The following PCDH15 variants were observed in gnomAD, a reference collection of about 807,000 sequenced individuals.
PCDH15 encodes the protein protocadherin related 15.
Under a neutral mutation model 178.5 loss-of-function variants are expected in PCDH15, and 129 were observed. The ratio of observed to expected loss-of-function variants is 0.72; its 90% CI spans 0.63 to 0.84. The LOEUF (loss-of-function observed/expected upper bound fraction) is 0.84, where lower values mean the gene tolerates loss of function less well. PCDH15 is among the 40% of genes least tolerant of loss of function. The pLI, the probability that PCDH15 is intolerant of heterozygous loss-of-function variation, is 0.00. For missense variants in PCDH15, 2,230 were observed against 2,099.9 expected, an observed-to-expected ratio of 1.06 and a Z score of -1.21; for synonymous variants, 800 against 732.0, an observed-to-expected ratio of 1.09 and a Z score of -1.50.
intron 1 of PCDH15, among the ~76,000 whole-genome samples, chr10:55,217,662 A>T (rs1840745302): frequency 6.6e-6 from 1 of 151,958 alleles, no homozygotes; most frequent in Non-Finnish European, 1.5e-5. Flanking sequence ...ACTAGCTAAT[A>T]TACAACAGAA....
At chr10:54,257,082 T>TAGAC (rs1469674434) in intron 8 of PCDH15, among the ~76,000 whole-genome samples, 2 of 151,966 alleles carry the variant, frequency 1.3e-5, no homozygotes, top group African/African-American at 4.8e-5. Flanking sequence ...GATAGATAGA[T>TAGAC]AGATAGATAC....
chr10:55,609,943 A>T (rs970463857), intron 2 of PCDH15, among the ~76,000 whole-genome samples: 1 of 152,156 alleles, frequency 6.6e-6, no homozygotes, highest in African/African-American at 2.4e-5. Context: ...AATAAGGAGC[A>T]AACTGTCATA....
rs193054711 is a variant in PCDH15, at chr10:55,626,720, T to C, written c.-156+905A>G. ...CTGTTATTAGCTAATGTGTAAGAGT[T>C]GGGAACAATTAAACATACTGTATAC... On this transcript the variant is annotated intron_variant, in intron 2 of 5. Transcript: ENST00000613346. Among the ~76,000 whole-genome samples, 418 of 152,310 alleles carry C rather than the reference T, an allele frequency of 2.7e-3. 1 individual carries two copies. The highest frequency in any genetic ancestry group is 9.2e-3 in the African/African-American group (382 of 41,566).
chr10:55,505,603 C>T (rs374282994), intron 2 of PCDH15, among the ~76,000 whole-genome samples: 44 of 151,234 alleles, frequency 2.9e-4, no homozygotes, highest in African/African-American at 9.9e-4. Context: ...CTAAGTTAGA[C>T]CTGAGGAGTC....
At chr10:53,976,249 A>C (rs1001997620) in intron 21 of PCDH15, among the ~76,000 whole-genome samples, 2 of 152,046 alleles carry the variant, frequency 1.3e-5, no homozygotes, top group African/African-American at 4.8e-5. Flanking sequence ...CATATGAGTT[A>C]TAGTACCATG....
chr10:54,571,174 T>G (rs1422830635), intron 2 of PCDH15, among the ~76,000 whole-genome samples: 1 of 151,774 alleles, frequency 6.6e-6, no homozygotes, highest in Non-Finnish European at 1.5e-5. Flanking sequence ...AGCCAGAAAT[T>G]TGAACGAGGA....
At chr10:54,120,385 T>C (rs1214923908) in intron 15 of PCDH15, among the ~76,000 whole-genome samples, 1 of 152,110 alleles carries the variant, frequency 6.6e-6, no homozygotes, top group Non-Finnish European at 1.5e-5. Context: ...GCTAACAACT[T>C]AATGATAGAA....
intron 16 of PCDH15, among the ~76,000 whole-genome samples, chr10:54,087,299 C>T (rs762566500): frequency 6.6e-6 from 1 of 152,030 alleles, no homozygotes; most frequent in Non-Finnish European, 1.5e-5. Flanking sequence ...ACAGTCACTC[C>T]CCATTCTCTC....
intron 8 of PCDH15, 27 bp downstream of exon 8, chr10:54,317,244 A>G (rs2061331230): frequency 6.2e-7 from 1 of 1,605,864 alleles, no homozygotes; most frequent in African/African-American, 1.3e-5. Flanking sequence ...CATGCAAATA[A>G]ATGGAGAAAG....
chr10:54,350,496 T>C (rs570398776), intron 5 of PCDH15, among the ~76,000 whole-genome samples: 2 of 152,288 alleles, frequency 1.3e-5, no homozygotes, highest in African/African-American at 4.8e-5. Flanking sequence ...TCATGATTTG[T>C]TCAAATGGTA....
At chr10:54,786,256 G>C (rs1401704187) in intron 1 of PCDH15, among the ~76,000 whole-genome samples, 2 of 152,000 alleles carry the variant, frequency 1.3e-5, no homozygotes, top group South Asian at 2.1e-4. Context: ...CATAGTTAAA[G>C]TCTCGAATGT....
intron 3 of PCDH15, among the ~76,000 whole-genome samples, chr10:54,808,510 C>A (rs529950757): frequency 6.6e-6 from 1 of 152,270 alleles, no homozygotes; most frequent in East Asian, 1.9e-4. Flanking sequence ...TCAAGTAAGG[C>A]AATAACCCAG....
At chr10:54,522,045 G>A (rs1005615535) in intron 3 of PCDH15, among the ~76,000 whole-genome samples, 2 of 133,722 alleles carry the variant, frequency 1.5e-5, no homozygotes, top group Admixed American at 8.4e-5. Flanking sequence ...CCAAGATCAC[G>A]CCGCTGCATT....
chr10:55,051,611 T>C (rs1397396960), intron 2 of PCDH15, among the ~76,000 whole-genome samples: 1 of 152,214 alleles, frequency 6.6e-6, no homozygotes, highest in East Asian at 1.9e-4. Flanking sequence ...GAGACTATTG[T>C]CTGACTTTCA....
chr10:54,722,462 T>A (rs903782910), intron 1 of PCDH15, among the ~76,000 whole-genome samples: 2 of 151,742 alleles, frequency 1.3e-5, no homozygotes, highest in South Asian at 4.1e-4. Flanking sequence ...AATAACTAAT[T>A]GCTTGTTTAG....
At chr10:54,370,957 C>T (rs540177677) in intron 4 of PCDH15, among the ~76,000 whole-genome samples, 5 of 151,812 alleles carry the variant, frequency 3.3e-5, no homozygotes, top group East Asian at 3.9e-4. Flanking sequence ...CATTGACATA[C>T]GAAAAGAGGT....
chr10:54,079,889 C>G (rs1405625926), intron 16 of PCDH15, among the ~76,000 whole-genome samples: 4 of 152,078 alleles, frequency 2.6e-5, no homozygotes, highest in Non-Finnish European at 4.4e-5. Context: ...CTCTGACAAA[C>G]TCTATGGATA....
intron 4 of PCDH15, among the ~76,000 whole-genome samples, chr10:54,372,906 A>T (rs2134825162): frequency 6.6e-6 from 1 of 151,970 alleles, no homozygotes; most frequent in South Asian, 2.1e-4. Flanking sequence ...TATGTGTATC[A>T]GGAATGATAT....
At chr10:54,033,545 T>C (rs2093350532) in intron 18 of PCDH15, among the ~76,000 whole-genome samples, 1 of 151,938 alleles carries the variant, frequency 6.6e-6, no homozygotes, top group Non-Finnish European at 1.5e-5. Context: ...CATCACTTTC[T>C]AAAATGTCTG....
Sources: allele counts gnomAD v4.1 joint callset (sites outside exome capture counted in the v4.1 genomes callset), GRCh38; gene constraint gnomAD v4.1.1; transcripts MANE v1.5; gene names NCBI Gene and HGNC (gene_info 2026-07-23, HGNC 2026-07-21).